Variants in CPED1 observed in about 807,000 individuals in gnomAD.
CPED1 encodes cadherin-like and PC-esterase domain-containing protein 1.
A neutral mutation model predicts 128.2 loss-of-function variants in CPED1; 114 were observed. That is an observed-to-expected ratio of 0.89 (90% CI 0.76 to 1.04). CPED1 has a LOEUF of 1.04. CPED1 is among the 50% of genes least tolerant of loss of function. The pLI is 0.00. For synonymous variants in CPED1, 462 were observed against 426.7 expected, an observed-to-expected ratio of 1.08 and a Z score of -1.02; for missense variants, 1,211 against 1,207.1, an observed-to-expected ratio of 1.00 and a Z score of -0.05.
Position 121,236,682 on chromosome 7 carries a change from T to A in CPED1, c.2056-32T>A, listed in dbSNP as rs186288185. 9.9e-6 allele frequency: 13 copies of A among 1,312,442 alleles called. No homozygotes were observed. The Admixed American group carries it at 3.0e-4, about 30-fold the overall frequency. 81.3% of individuals were successfully genotyped at this position (1,312,442 alleles called of 1,614,324 possible). A position where few individuals can be genotyped will look rare whatever the true frequency, so the allele number is the denominator to read the frequency against. ...TATTATTATGGGTCAAGTTAATTAA[T>A]ACAACAACTAATATCTATTATTTTA... is the stretch of plus-strand genomic sequence containing the variant. On this transcript the variant is annotated intron_variant, in intron 16 of 22. Transcript: ENST00000310396.
At chr7:121,271,505 T>C in intron 22 of CPED1, 75 bp downstream of exon 22, 1 of 1,409,360 alleles carries the variant, frequency 7.1e-7, no homozygotes, top group South Asian at 1.3e-5. Context: ...AATTGTATTG[T>C]CAGTCTTATT....
intron 16 of CPED1, among the ~76,000 whole-genome samples, chr7:121,235,869 A>G (rs925309540): frequency 2.0e-5 from 3 of 152,150 alleles, no homozygotes; most frequent in African/African-American, 7.2e-5. Context: ...GAGACCTAAA[A>G]TATAAGATGT....
chr7:121,285,029 G>A (rs973581702), intron 22 of CPED1, among the ~76,000 whole-genome samples: 1 of 152,196 alleles, frequency 6.6e-6, no homozygotes, highest in Non-Finnish European at 1.5e-5. Flanking sequence ...CTTCTGCCTG[G>A]ACATCCAGGC....
chr7:121,182,782 A>G (rs1457461386), intron 16 of CPED1, among the ~76,000 whole-genome samples: 2 of 152,034 alleles, frequency 1.3e-5, no homozygotes, highest in East Asian at 3.9e-4. Flanking sequence ...TGTCTCTGTG[A>G]TGGAGATCAT....
chr7:121,087,195 A>G (rs73433920), intron 5 of CPED1, among the ~76,000 whole-genome samples: 1,695 of 152,266 alleles, frequency 0.011, 27 homozygotes, highest in African/African-American at 0.039. Context: ...GGCAAACAAA[A>G]AGGCAGCAAA....
At chr7:121,215,195 G>A (rs1055305019) in intron 16 of CPED1, among the ~76,000 whole-genome samples, 1 of 151,950 alleles carries the variant, frequency 6.6e-6, no homozygotes, top group Non-Finnish European at 1.5e-5. Flanking sequence ...GAAGCCTAGT[G>A]TCCCAGCTCC....
rs762134838 is a variant in CPED1 at position 121,295,971 on chromosome 7, T to C, written c.*319T>C. The C allele has an allele frequency of 7.2e-5, 15 of 207,930 alleles. No individual in the cohort carries two copies. The highest frequency in any genetic ancestry group is 1.3e-4 in the Non-Finnish European group (13 of 103,534). 12.9% of individuals were successfully genotyped at this position (207,930 alleles called of 1,614,324 possible). ...GGCATTGTGATAATAAAGAGAAATA[T>C]AGACACTTAAAATTATGTGAAAAAA... On this transcript the variant is annotated 3_prime_UTR_variant, in exon 23 of 23. Coordinates refer to ENST00000310396, the MANE Select transcript of CPED1 (RefSeq NM_024913.5).
At chr7:121,127,057 A>G in intron 9 of CPED1, 33 bp from the exon 10 acceptor site, 1 of 1,471,010 alleles carries the variant, frequency 6.8e-7, no homozygotes, top group Non-Finnish European at 9.1e-7. Flanking sequence ...TAAATCGATG[A>G]AAAATATTTG....
intron 13 of CPED1, among the ~76,000 whole-genome samples, chr7:121,135,057 T>C (rs1795755704): frequency 6.6e-6 from 1 of 152,056 alleles, no homozygotes; most frequent in African/African-American, 2.4e-5. Flanking sequence ...AAAGAATATT[T>C]ATGACATGAA....
chr7:121,065,733 A>G (rs999840848), intron 5 of CPED1, among the ~76,000 whole-genome samples: 30 of 152,228 alleles, frequency 2.0e-4, no homozygotes, highest in African/African-American at 2.6e-4. Flanking sequence ...AGTATTTTCT[A>G]TCTTCTTTTG....
intron 18 of CPED1, among the ~76,000 whole-genome samples, chr7:121,248,130 G>A (rs903199909): frequency 2.0e-5 from 3 of 152,190 alleles, no homozygotes; most frequent in Admixed American, 1.3e-4. Context: ...GCTGCAGTGT[G>A]CAGCTCAAGA....
At chr7:121,293,125 C>A (rs1792745954) in intron 22 of CPED1, among the ~76,000 whole-genome samples, 1 of 152,176 alleles carries the variant, frequency 6.6e-6, no homozygotes, top group Non-Finnish European at 1.5e-5. Context: ...ACCACAGCTG[C>A]CCCTTCCCCC....
intron 14 of CPED1, among the ~76,000 whole-genome samples, chr7:121,139,168 A>G (rs988191018): frequency 6.6e-6 from 1 of 152,014 alleles, no homozygotes; most frequent in African/African-American, 2.4e-5. Flanking sequence ...ACTATCTTTC[A>G]TTGACCATTA....
At position 121,282,468 on chromosome 7, in the gene CPED1, C is replaced by T. The variant is rs147561934; in HGVS notation, c.2868+11038C>T. ...GATCAAAGGAAAGGAGCAATTTGCT[C>T]CTTACTGTACAGGTATCAAACATCT... On this transcript the variant is annotated intron_variant, in intron 22 of 22. Transcript: ENST00000310396. 2.5e-4 allele frequency among the ~76,000 whole-genome samples: 38 copies of T among 152,260 alleles called. 1 individual carries two copies. In the East Asian group the frequency reaches 7.1e-3, roughly 29 times the overall value.
intron 4 of CPED1, among the ~76,000 whole-genome samples, chr7:121,058,856 TGGA>T (rs1793576453): frequency 6.6e-6 from 1 of 152,218 alleles, no homozygotes. Flanking sequence ...TCAAATTTGT[TGGA>T]GATGTTGTAG....
intron 5 of CPED1, among the ~76,000 whole-genome samples, chr7:121,065,769 G>T (rs1478209484): frequency 6.6e-6 from 1 of 151,988 alleles, no homozygotes; most frequent in Non-Finnish European, 1.5e-5. Context: ...TTATTCTCGA[G>T]AACATCTAAG....
chr7:121,035,741 G>A (rs1402733358), intron 3 of CPED1, among the ~76,000 whole-genome samples: 2 of 152,094 alleles, frequency 1.3e-5, no homozygotes, highest in Non-Finnish European at 2.9e-5. Flanking sequence ...GCTGAGGCAG[G>A]AGGAACACTT....
At chr7:121,151,839 G>A (rs1318823070) in intron 16 of CPED1, among the ~76,000 whole-genome samples, 9 of 149,926 alleles carry the variant, frequency 6.0e-5, no homozygotes, top group Admixed American at 1.4e-4. Context: ...GTTTCAATTA[G>A]GTAATGCTGA....
At chr7:121,237,868 T>C (rs1798295556) in intron 17 of CPED1, among the ~76,000 whole-genome samples, 1 of 152,192 alleles carries the variant, frequency 6.6e-6, no homozygotes, top group Non-Finnish European at 1.5e-5. Context: ...ACATGTGTTC[T>C]AAATAATAAA....
Sources: gnomAD v4.1 joint callset for allele counts (sites outside exome capture counted in the v4.1 genomes callset) on GRCh38, gnomAD v4.1.1 for gene constraint, MANE v1.5 for transcripts, NCBI Gene and HGNC (gene_info 2026-07-23, HGNC 2026-07-21) for gene names.